The following EZR variants were observed in gnomAD, a reference collection of about 807,000 sequenced individuals.
The protein encoded by EZR is cytovillin 2.
In EZR, 40 loss-of-function variants were observed where a neutral mutation model predicts 74.8. That is an observed-to-expected ratio of 0.53 (90% confidence interval 0.42 to 0.70). The LOEUF is 0.70. EZR is among the 30% of genes least tolerant of loss of function. The pLI is 0.00. For synonymous variants in EZR, 341 were observed against 283.3 expected (o/e 1.20, Z -2.05); for missense variants, 678 against 755.8 (o/e 0.90, Z 1.21).
chr6:158,768,679 T>C (rs1790996789), intron 12 of EZR, among the ~76,000 whole-genome samples: 2 of 152,314 alleles, frequency 1.3e-5, no homozygotes, highest in South Asian at 4.1e-4. Flanking sequence ...AAGCTCTGTG[T>C]GCGTCCCACA....
intron 5 of EZR, among the ~76,000 whole-genome samples, chr6:158,785,101 G>A (rs947444144): frequency 6.6e-6 from 1 of 152,208 alleles, no homozygotes; most frequent in African/African-American, 2.4e-5. Context: ...CACAGGACAC[G>A]GCCACGCTTT....
At chr6:158,798,366 A>G (rs1777117696) in intron 2 of EZR, among the ~76,000 whole-genome samples, 2 of 152,270 alleles carry the variant, frequency 1.3e-5, no homozygotes, top group African/African-American at 4.8e-5. Context: ...GAATTTTTAA[A>G]AACTAAACTT....
At chr6:158,808,600 G>C (rs191424958) in intron 2 of EZR, among the ~76,000 whole-genome samples, 36 of 152,350 alleles carry the variant, frequency 2.4e-4, no homozygotes, top group African/African-American at 8.2e-4. Flanking sequence ...TTACTGACCA[G>C]GGCCAGGCAT....
intron 2 of EZR, among the ~76,000 whole-genome samples, chr6:158,810,116 G>T (rs1777422706): frequency 6.6e-6 from 1 of 152,190 alleles, no homozygotes; most frequent in Non-Finnish European, 1.5e-5. Flanking sequence ...TTGATCCTCA[G>T]GTGATACTGG....
chr6:158,771,211 C>G (rs765294217), intron 9 of EZR, 33 bp downstream of exon 9: 2 of 1,576,112 alleles, frequency 1.3e-6, no homozygotes, highest in Non-Finnish European at 1.7e-6. Context: ...TGGGAGAACA[C>G]AGGCCCCCCC....
intron 10 of EZR, among the ~76,000 whole-genome samples, chr6:158,770,261 C>T (rs1427031257): frequency 6.6e-6 from 1 of 152,230 alleles, no homozygotes; most frequent in African/African-American, 2.4e-5. Flanking sequence ...CCACTCAGAA[C>T]ACAGAACACC....
chr6:158,813,444 C>A (rs941191745), intron 2 of EZR, among the ~76,000 whole-genome samples: 1 of 152,224 alleles, frequency 6.6e-6, no homozygotes. Flanking sequence ...CAAATACATT[C>A]ATTGTGCCTT....
chr6:158,803,522 T>C (rs1400982139), intron 2 of EZR, among the ~76,000 whole-genome samples: 2 of 122,134 alleles, frequency 1.6e-5, no homozygotes, highest in Non-Finnish European at 3.3e-5. Flanking sequence ...AAATATTATG[T>C]AACATTATAT....
At chr6:158,816,712 T>C (rs1316787365) in intron 2 of EZR, among the ~76,000 whole-genome samples, 2 of 74,444 alleles carry the variant, frequency 2.7e-5, no homozygotes, top group African/African-American at 1.6e-4. Flanking sequence ...CTTCTGAATC[T>C]ACTGGCATAT....
intron 2 of EZR, among the ~76,000 whole-genome samples, chr6:158,804,112 G>T (rs1014765945): frequency 1.3e-5 from 2 of 152,090 alleles, no homozygotes; most frequent in African/African-American, 4.8e-5. Context: ...TGCTGATGGC[G>T]TATGAAAATA....
intron 2 of EZR, among the ~76,000 whole-genome samples, chr6:158,800,427 A>G (rs924935272): frequency 1.3e-5 from 2 of 152,186 alleles, no homozygotes; most frequent in African/African-American, 4.8e-5. Context: ...CCCTGTTCTG[A>G]TAAGCGTTCT....
rs1554274399 is a variant in EZR at position 158,798,622 on chromosome 6, C to CTGTTTTT, written c.13-9252_13-9251insAAAAACA. Among the ~76,000 whole-genome samples, 3 of 122,204 alleles carry CTGTTTTT rather than the reference C, an allele frequency of 2.5e-5. 1 individual carries two copies. The highest frequency in any genetic ancestry group is 1.7e-5 in the Non-Finnish European group (1 of 60,530). 80.2% of individuals were successfully genotyped at this position (122,204 alleles called of 152,430 possible). Reference sequence around the variant, plus strand: ...AAAAGGGACTTAGTTTGCTGCTCCGCTTTTTTTTTTTTTTTTTTTTTTTTT... The same window carrying CTGTTTTT: ...AAAAGGGACTTAGTTTGCTGCTCCGCTGTTTTTTTTTTTTTTTTTTTTTTTTTTTTTT... On this transcript the variant is annotated intron_variant, in intron 2 of 13. Coordinates refer to ENST00000367075, the MANE Select transcript of EZR (RefSeq NM_001111077.2).
intron 7 of EZR, among the ~76,000 whole-genome samples, chr6:158,782,011 G>A (rs529880801): frequency 1.1e-4 from 16 of 152,092 alleles, no homozygotes; most frequent in African/African-American, 3.4e-4. Flanking sequence ...CGCCTGCCTC[G>A]GCCTCCCAGA....
intron 2 of EZR, among the ~76,000 whole-genome samples, chr6:158,796,265 T>C (rs185064622): frequency 2.1e-3 from 318 of 152,342 alleles, no homozygotes; most frequent in African/African-American, 4.0e-3. Context: ...ACAGCACAGG[T>C]GTTACCACTC....
At chr6:158,796,171 A>G (rs1777065758) in intron 2 of EZR, among the ~76,000 whole-genome samples, 1 of 152,186 alleles carries the variant, frequency 6.6e-6, no homozygotes, top group African/African-American at 2.4e-5. Context: ...CAAGGCCAGC[A>G]AGTAGAGTGT....
At chr6:158,780,180 A>C (rs12177624) in intron 7 of EZR, among the ~76,000 whole-genome samples, 76,199 of 136,826 alleles carry the variant, frequency 0.56, 20,803 homozygotes, top group Non-Finnish European at 0.63. Flanking sequence ...GAGATTCCAT[A>C]TCAAAAAAAA....
intron 7 of EZR, 81 bp from the exon 8 acceptor site, chr6:158,776,585 C>A (rs1369539135): frequency 8.5e-6 from 8 of 944,412 alleles, no homozygotes; most frequent in Non-Finnish European, 1.3e-5. Context: ...CAAATCAATT[C>A]TTATTAGTTC....
At chr6:158,785,659 C>G in intron 4 of EZR, 76 bp from the exon 5 acceptor site, 1 of 1,562,414 alleles carries the variant, frequency 6.4e-7, no homozygotes, top group Non-Finnish European at 8.7e-7. Context: ...GGCTTCTAAC[C>G]AAGACTCAAT....
intron 2 of EZR, among the ~76,000 whole-genome samples, chr6:158,817,797 G>A (rs1183694135): frequency 2.0e-5 from 3 of 152,304 alleles, no homozygotes; most frequent in Admixed American, 6.5e-5. Flanking sequence ...ACAGACGGAA[G>A]CAGTGTAAAA....
Sources: allele counts gnomAD v4.1 joint callset (sites outside exome capture counted in the v4.1 genomes callset), GRCh38; gene constraint gnomAD v4.1.1; transcripts MANE v1.5; gene names NCBI Gene and HGNC (gene_info 2026-07-23, HGNC 2026-07-21).